The following LYST variants were observed in gnomAD, a reference collection of about 807,000 sequenced individuals.
LYST encodes lysosomal trafficking regulator, also known as lysosomal-trafficking regulator.
Under a neutral mutation model 413.6 loss-of-function variants are expected in LYST, and 192 were observed. The observed-to-expected ratio is 0.46, with a 90% CI of 0.41 to 0.52. The LOEUF is 0.52. LYST is among the 20% of genes least tolerant of loss of function. The pLI, the probability that LYST is intolerant of heterozygous loss-of-function variation, is 0.00. For missense variants in LYST, 3,815 were observed against 4,499.9 expected (o/e 0.85, Z 4.35); for synonymous variants, 1,525 against 1,567.3 (o/e 0.97, Z 0.64).
At chr1:235,706,116 T>C (rs1661968140) in intron 44 of LYST, among the ~76,000 whole-genome samples, 1 of 152,144 alleles carries the variant, frequency 6.6e-6, no homozygotes, top group Non-Finnish European at 1.5e-5. Context: ...TAAAGTTGCA[T>C]TTTGGAATCA....
intron 31 of LYST, chr1:235,735,371 T>C (rs1017821283): frequency 6.6e-6 from 1 of 152,126 alleles, no homozygotes; most frequent in Non-Finnish European, 1.5e-5. Flanking sequence ...CGCAGACAAT[T>C]CTATGTATGT....
chr1:235,846,853 C>T (rs1234345675), intron 1 of LYST, among the ~76,000 whole-genome samples: 1 of 151,970 alleles, frequency 6.6e-6, no homozygotes, highest in African/African-American at 2.4e-5. Context: ...AAAATATGAA[C>T]AAAGCCTCCA....
chr1:235,696,063 CAAT>C (rs1009452540), intron 46 of LYST, among the ~76,000 whole-genome samples: 3 of 152,156 alleles, frequency 2.0e-5, no homozygotes, highest in Non-Finnish European at 4.4e-5. Context: ...ATTGATAACA[CAAT>C]AATTATGATT....
intron 44 of LYST, among the ~76,000 whole-genome samples, chr1:235,705,150 TA>T (rs141737652): frequency 0.013 from 1,922 of 152,310 alleles, 48 homozygotes; most frequent in African/African-American, 0.044. Flanking sequence ...ATATTTGCCC[TA>T]AGGTCACACA....
intron 1 of LYST, among the ~76,000 whole-genome samples, chr1:235,860,414 T>C (rs1368217043): frequency 6.6e-6 from 1 of 152,192 alleles, no homozygotes; most frequent in East Asian, 1.9e-4. Context: ...TCTATGGGTA[T>C]CGACAAATGT....
At chr1:235,679,085 A>T (rs1659606790) in intron 48 of LYST, among the ~76,000 whole-genome samples, 1 of 152,218 alleles carries the variant, frequency 6.6e-6, no homozygotes, top group South Asian at 2.1e-4. Context: ...GGCTCACATT[A>T]TTCCTTGTAA....
chr1:235,875,145 G>A (rs2103234377), intron 1 of LYST, among the ~76,000 whole-genome samples: 1 of 152,288 alleles, frequency 6.6e-6, no homozygotes, highest in Non-Finnish European at 1.5e-5. Context: ...AAAGATCACG[G>A]TGGTTTGAAG....
chr1:235,730,894 A>C lies in LYST; in HGVS notation c.8997T>G (p.Ser2999=). The C allele has an allele frequency of 1.2e-6, 2 of 1,613,866 alleles. No homozygotes were observed. Among genetic ancestry groups the C allele is most frequent in the Non-Finnish European group, 1.7e-6 (2 of 1,179,764 alleles). The change falls in exon 36 of 53, where the codon TCT becomes TCG. Residue 2999 remains serine, a synonymous_variant. Transcript: ENST00000389793. ...TGTCTTTGACAGTAGAAGAGAAAGA[A>C]GAATGAGTTTTGTCTTCAAACAGGT... is the stretch of plus-strand genomic sequence containing the variant. The part of the protein sequence containing the change: ...LSYLFEDKTH[S]SFSSTVKDKA...
At chr1:235,832,961 T>A (rs1676154696) in intron 2 of LYST, among the ~76,000 whole-genome samples, 1 of 152,128 alleles carries the variant, frequency 6.6e-6, no homozygotes, top group Non-Finnish European at 1.5e-5. Flanking sequence ...GATATAATAA[T>A]CATATATCTA....
At chr1:235,680,459 G>A (rs1304685589) in intron 48 of LYST, among the ~76,000 whole-genome samples, 2 of 151,462 alleles carry the variant, frequency 1.3e-5, no homozygotes, top group African/African-American at 4.9e-5. Context: ...ATAGGGTCTT[G>A]CTATGCTGCC....
Position 235,744,071 on chromosome 1 carries a change from C to T in LYST, c.8059G>A (p.Glu2687Lys), listed in dbSNP as rs1301726344. 7 of 1,598,036 alleles carry T rather than the reference C, an allele frequency of 4.4e-6. No individual in the cohort carries two copies. In the Admixed American group the frequency reaches 1.0e-4, roughly 23 times the overall value. Reference sequence around the variant, plus strand: ...GACTGTTCATGATGAATATTTTCCTCAGAAATTTCGGTCTGGAAAACTGAG... The same window carrying T: ...GACTGTTCATGATGAATATTTTCCTTAGAAATTTCGGTCTGGAAAACTGAG... ...KTSVFQTEISEENIHHEQSSV... is the reference protein window; with the variant it reads ...KTSVFQTEISKENIHHEQSSV... The change falls in exon 30 of 53, where the codon GAG (glutamate) becomes AAG (lysine). Residue 2687 changes from glutamate to lysine, a missense_variant. This residue lies in a region of LYST where 771 missense variants were observed against 837.1 expected (regional missense o/e 0.92). Transcript: ENST00000389793.
chr1:235,748,181 T>C (rs1666110416), intron 28 of LYST, among the ~76,000 whole-genome samples: 1 of 152,224 alleles, frequency 6.6e-6, no homozygotes, highest in Non-Finnish European at 1.5e-5. Context: ...CATTTGTATG[T>C]GAATTACTAA....
At chr1:235,869,813 C>G (rs1174286170), upstream of LYST, among the ~76,000 whole-genome samples, 2 of 149,990 alleles carry the variant, frequency 1.3e-5, no homozygotes, top group Non-Finnish European at 3.0e-5. Context: ...TCTGGCTCCT[C>G]AAAACTTCGT....
In LYST at chr1:235,819,613, A is replaced by C. The variant is rs182309921; in HGVS notation, c.193-6552T>G. On this transcript the variant is annotated intron_variant, in intron 3 of 52. Coordinates refer to ENST00000389793, the MANE Select transcript of LYST (RefSeq NM_000081.4). ...TTTCTAGACCACCCAATCAAGAGAA[A>C]TCAGCCAATAACATACCACTCTTAT... is the stretch of plus-strand genomic sequence containing the variant. Among the ~76,000 whole-genome samples, 937 of 152,288 alleles carry C rather than the reference A, an allele frequency of 6.2e-3. 2 individuals carry two copies. Among genetic ancestry groups the C allele is most frequent in the Non-Finnish European group, 8.5e-3 (577 of 68,008 alleles).
chr1:235,709,652 C>A (rs1662244585), intron 43 of LYST, among the ~76,000 whole-genome samples: 1 of 150,150 alleles, frequency 6.7e-6, no homozygotes, highest in African/African-American at 2.5e-5. Context: ...ACTTAAATAT[C>A]TATTCAATTG....
chr1:235,850,378 C>T (rs1042791075), intron 1 of LYST, among the ~76,000 whole-genome samples: 1 of 152,046 alleles, frequency 6.6e-6, no homozygotes, highest in African/African-American at 2.4e-5. Flanking sequence ...AAATCAACTA[C>T]ACATGTACTA....
At chr1:235,861,106 A>C (rs1679817827) in intron 1 of LYST, among the ~76,000 whole-genome samples, 2 of 152,166 alleles carry the variant, frequency 1.3e-5, no homozygotes, top group Admixed American at 6.5e-5. Flanking sequence ...CAGTAGTTTT[A>C]TAAACATTTC....
In LYST at chr1:235,720,883, T is replaced by C. The variant is rs762146710; in HGVS notation, c.9338A>G (p.Asn3113Ser). The C allele has an allele frequency of 2.0e-5, 32 of 1,613,596 alleles. No individual in the cohort carries two copies. Among genetic ancestry groups the C allele is most frequent in the East Asian group, 4.5e-5 (2 of 44,870 alleles). ...NTKVRDDVYH[N>S]ILTNNLPNLL... is the part of the protein sequence containing the mutation. The stretch of plus-strand genomic sequence containing the variant: ...ATTAGGGAGGTTATTTGTGAGTATA[T>C]TGTGGTATACATCATCACGAACCTA... The change falls in exon 40 of 53, where the codon AAT becomes AGT. Residue 3113 changes from asparagine to serine, a missense_variant. This residue lies in a region of LYST where 866 missense variants were observed against 1,156.0 expected (regional missense o/e 0.75). Coordinates refer to ENST00000389793, the MANE Select transcript of LYST (RefSeq NM_000081.4).
chr1:235,837,165 G>C (rs1369497566), intron 1 of LYST, among the ~76,000 whole-genome samples: 1 of 152,200 alleles, frequency 6.6e-6, no homozygotes, highest in Non-Finnish European at 1.5e-5. Flanking sequence ...TTTTACAACT[G>C]AGCCCTGGGC....
Sources: allele counts gnomAD v4.1 joint callset (sites outside exome capture counted in the v4.1 genomes callset), GRCh38; gene constraint gnomAD v4.1.1; regional missense constraint gnomAD v4.1.1; transcripts MANE v1.5; gene names NCBI Gene and HGNC (gene_info 2026-07-23, HGNC 2026-07-21).